Variants in PDPR observed in about 807,000 individuals in gnomAD.
The protein encoded by PDPR is pyruvate dehydrogenase phosphatase regulatory subunit.
A neutral mutation model predicts 102.2 loss-of-function variants in PDPR; 50 were observed. The observed-to-expected ratio is 0.49, with a 90% CI of 0.39 to 0.62. The LOEUF is 0.62. Among genes scored for constraint, PDPR ranks in the 20% least tolerant of loss-of-function variants. The pLI is 0.00. For synonymous variants in PDPR, 259 were observed against 406.0 expected, an observed-to-expected ratio of 0.64 and a Z score of 4.35; for missense variants, 625 against 1,098.2, an observed-to-expected ratio of 0.57 and a Z score of 6.09.
intron 9 of PDPR, among the ~76,000 whole-genome samples, chr16:70,132,624 G>T (rs1336801690): frequency 6.6e-6 from 1 of 151,772 alleles, no homozygotes; most frequent in African/African-American, 2.4e-5. Context: ...GCTCACTGCA[G>T]CCCCGAACTC....
chr16:70,127,154 T>C, intron 3 of PDPR, 106 bp from the exon 4 acceptor site: 1 of 1,537,574 alleles, frequency 6.5e-7, no homozygotes, highest in East Asian at 2.3e-5. Flanking sequence ...TGTGCCCAGC[T>C]TGTTTCCATC....
At chr16:70,129,469 C>T (rs747508111) in intron 6 of PDPR, among the ~76,000 whole-genome samples, 41 of 152,236 alleles carry the variant, frequency 2.7e-4, no homozygotes, top group South Asian at 6.2e-4. Flanking sequence ...TTCAGCCTCC[C>T]GAGTAGGTGG....
intron 8 of PDPR, chr16:70,131,773 G>C: frequency 1.0e-6 from 1 of 985,446 alleles, no homozygotes; most frequent in Non-Finnish European, 1.2e-6. Flanking sequence ...GTGGTTCCAA[G>C]CACTGTAGGA....
At chr16:70,129,493 C>T (rs1425249389) in intron 6 of PDPR, among the ~76,000 whole-genome samples, 2 of 152,258 alleles carry the variant, frequency 1.3e-5, no homozygotes, top group Non-Finnish European at 2.9e-5. Flanking sequence ...TACAGGCGTG[C>T]CCCACTACAC....
intron 9 of PDPR, among the ~76,000 whole-genome samples, chr16:70,134,789 AAAAAAAAAAAT>A (rs1014871431): frequency 6.9e-6 from 1 of 145,542 alleles, no homozygotes; most frequent in African/African-American, 2.5e-5. Flanking sequence ...CCATCTCAAA[AAAAAAAAAAAT>A]AATAATAATA....
At chr16:70,127,493 AT>A in intron 4 of PDPR, 100 bp downstream of exon 4, 1 of 1,558,870 alleles carries the variant, frequency 6.4e-7, no homozygotes, top group Middle Eastern at 1.7e-4. Flanking sequence ...TGCTTTGGTA[AT>A]TAAAACTTGG....
At position 70,133,421 on chromosome 16, in the gene PDPR, C is replaced by CTTTTTTTTTTTTTTTTTTTT. The variant is rs1162339028; in HGVS notation, c.997+1134_997+1135insTTTTTTTTTTTTTTTTTTTT. Among the ~76,000 whole-genome samples, 38 of 103,742 alleles carry CTTTTTTTTTTTTTTTTTTTT rather than the reference C, an allele frequency of 3.7e-4. 6 individuals are homozygous for CTTTTTTTTTTTTTTTTTTTT. Among genetic ancestry groups the CTTTTTTTTTTTTTTTTTTTT allele is most frequent in the African/African-American group, 5.3e-4 (13 of 24,742 alleles). 68.1% of individuals were successfully genotyped at this position (103,742 alleles called of 152,430 possible). A position where few individuals can be genotyped will look rare whatever the true frequency, so the allele number is the denominator to read the frequency against. On this transcript the variant is annotated intron_variant, in intron 9 of 18. Transcript: ENST00000288050. ...ACAGGCATGAGCCACTGCGTCTGGC[C>CTTTTTTTTTTTTTTTTTTTT]TTTTTTTTTTTTTGAGATAAGAGTC...
intron 2 of PDPR, among the ~76,000 whole-genome samples, chr16:70,116,833 C>T (rs1473942316): frequency 6.6e-5 from 10 of 152,170 alleles, no homozygotes; most frequent in African/African-American, 2.2e-4. Context: ...TGAGACATGG[C>T]GCCCGGCCTA....
chr16:70,154,057 T>G (rs1966868332), intron 18 of PDPR, among the ~76,000 whole-genome samples: 1 of 152,222 alleles, frequency 6.6e-6, no homozygotes, highest in African/African-American at 2.4e-5. Context: ...CGGGCGCCTA[T>G]AGTCAGGAGA....
At chr16:70,141,691 G>A (rs758480747) in intron 11 of PDPR, among the ~76,000 whole-genome samples, 13 of 152,282 alleles carry the variant, frequency 8.5e-5, no homozygotes, top group Non-Finnish European at 1.5e-4. Flanking sequence ...AATACAGGCC[G>A]AGTCATGCCG....
At chr16:70,141,655 C>G (rs1161598471) in intron 11 of PDPR, among the ~76,000 whole-genome samples, 1 of 152,288 alleles carries the variant, frequency 6.6e-6, no homozygotes, top group Non-Finnish European at 1.5e-5. Flanking sequence ...ATCATTTCTA[C>G]CTACTAATGT....
intron 9 of PDPR, among the ~76,000 whole-genome samples, chr16:70,134,470 C>G (rs1443983224): frequency 6.6e-6 from 1 of 151,122 alleles, no homozygotes; most frequent in African/African-American, 2.4e-5. Flanking sequence ...AGCGATCCAC[C>G]CGCCTCGGCC....
At chr16:70,154,732 C>G (rs11643942) in intron 18 of PDPR, among the ~76,000 whole-genome samples, 3,506 of 149,306 alleles carry the variant, frequency 0.023, no homozygotes, top group Middle Eastern at 0.041. Flanking sequence ...AATGCCCTCT[C>G]ATGCTCAAGT....
At chr16:70,126,113 C>T in intron 3 of PDPR, among the ~76,000 whole-genome samples, 1 of 152,270 alleles carries the variant, frequency 6.6e-6, no homozygotes, top group East Asian at 1.9e-4. Context: ...CACTGTTCTT[C>T]ACCTTGCTTT....
chr16:70,122,138 C>T (rs1429159129), intron 3 of PDPR, among the ~76,000 whole-genome samples: 1 of 152,388 alleles, frequency 6.6e-6, no homozygotes, highest in African/African-American at 2.4e-5. Flanking sequence ...AGGCACCCAC[C>T]ACCATGCCCG....
At chr16:70,125,391 C>G (rs150801285) in intron 3 of PDPR, among the ~76,000 whole-genome samples, 1 of 144,996 alleles carries the variant, frequency 6.9e-6, no homozygotes, top group South Asian at 2.2e-4. Context: ...AACAAACAAA[C>G]AAAAAAACAA....
At chr16:70,155,021 G>C (rs1032640230) in intron 18 of PDPR, among the ~76,000 whole-genome samples, 1 of 152,098 alleles carries the variant, frequency 6.6e-6, no homozygotes, top group Non-Finnish European at 1.5e-5. Flanking sequence ...GTGAAACCCC[G>C]TATCTGCTAA....
At chr16:70,155,670 G>A (rs1339839504) in intron 18 of PDPR, among the ~76,000 whole-genome samples, 2 of 152,364 alleles carry the variant, frequency 1.3e-5, no homozygotes, top group East Asian at 1.9e-4. Context: ...GATTACAGGC[G>A]TGAGCCACCG....
chr16:70,156,819 C>T lies in PDPR; in HGVS notation c.2580C>T (p.Ser860=), dbSNP rs377171647. 44 of 1,614,052 alleles carry T rather than the reference C, an allele frequency of 2.7e-5. No homozygotes were observed. The African/African-American group carries it at 4.9e-4, about 18-fold the overall frequency. Residue 860 remains serine (S), a synonymous_variant, in exon 19 of 19, where the codon TCC becomes TCT. Coordinates refer to ENST00000288050, the MANE Select transcript of PDPR (RefSeq NM_017990.5). The part of the protein sequence containing the change: ...QAKAKLYPVA[S]LFTQKRRKDD... Reference sequence around the variant, plus strand: ...AGGCCAAGCTCTACCCTGTCGCCTCCCTCTTCACCCAGAAGCGCCGAAAGG... The same window carrying T: ...AGGCCAAGCTCTACCCTGTCGCCTCTCTCTTCACCCAGAAGCGCCGAAAGG...
Sources: allele counts gnomAD v4.1 joint callset (sites outside exome capture counted in the v4.1 genomes callset), GRCh38; gene constraint gnomAD v4.1.1; transcripts MANE v1.5; gene names NCBI Gene and HGNC (gene_info 2026-07-23, HGNC 2026-07-21).